Variants in CADPS observed in about 807,000 individuals in gnomAD.
CADPS encodes the protein calcium-dependent secretion activator 1.
CADPS carries 57 observed loss-of-function variants against 167.3 expected under a neutral mutation model. The observed-to-expected ratio is 0.34, with a 90% confidence interval of 0.28 to 0.42. The LOEUF is 0.42. CADPS is among the 20% of genes least tolerant of loss of function. The pLI, the probability that CADPS is intolerant of heterozygous loss-of-function variation, is 1.00. For missense variants in CADPS, 1,414 were observed against 1,738.1 expected, an observed-to-expected ratio of 0.81 and a Z score of 3.32; for synonymous variants, 676 against 635.3, an observed-to-expected ratio of 1.06 and a Z score of -0.96.
At position 62,740,398 on chromosome 3, in the gene CADPS, T is replaced by A. The variant is rs574003972; in HGVS notation, c.888+13043A>T. Among the ~76,000 whole-genome samples the A allele has an allele frequency of 1.6e-4, 25 of 152,312 alleles. No individual in the cohort carries two copies. The South Asian group carries it at 2.5e-3, about 15-fold the overall frequency. On this transcript the variant is annotated intron_variant, in intron 3 of 29. Coordinates refer to ENST00000383710, the MANE Select transcript of CADPS (RefSeq NM_003716.4). ...GTTGAGAAGCTCACTTAATGCCCCATGAGCCATGGTAGGGTGTTTAATTTT... is the reference window on the plus strand; with the variant it reads ...GTTGAGAAGCTCACTTAATGCCCCAAGAGCCATGGTAGGGTGTTTAATTTT...
At chr3:62,560,027 G>A (rs1338115458) in intron 9 of CADPS, among the ~76,000 whole-genome samples, 5 of 147,026 alleles carry the variant, frequency 3.4e-5, no homozygotes, top group Non-Finnish European at 7.4e-5. Context: ...TTGGAGAGCT[G>A]TATGCTGATG....
At position 62,514,179 on chromosome 3, in the gene CADPS, C is replaced by A. The variant is rs1386842451; in HGVS notation, c.2582-1411G>T. Among the ~76,000 whole-genome samples, 1 of 152,054 alleles carries A rather than the reference C, an allele frequency of 6.6e-6. No individual in the cohort carries two copies. Among genetic ancestry groups the A allele is most frequent in the Admixed American group, 6.6e-5 (1 of 15,260 alleles). On this transcript the variant is annotated intron_variant, in intron 16 of 29. Coordinates refer to ENST00000383710, the MANE Select transcript of CADPS (RefSeq NM_003716.4). The surrounding 1 kb of genome is among the most constrained non-coding windows in gnomAD (Gnocchi z 4.2). Reference sequence around the variant, plus strand: ...ATGTAAAAAATGAAAGATTTCTTCTCTGAGGGTAGGATCAGAGCCTTGTAA... The same window carrying A: ...ATGTAAAAAATGAAAGATTTCTTCTATGAGGGTAGGATCAGAGCCTTGTAA...
rs549973399 is a variant in CADPS at position 62,410,827 on chromosome 3, C to A, written c.3778-7642G>T. On this transcript the variant is annotated intron_variant, in intron 28 of 29. Coordinates refer to ENST00000383710, the MANE Select transcript of CADPS (RefSeq NM_003716.4). ...AAAACTTTCTGAGCAGCAGGCCAAG[C>A]ACAGTGGCTCACAGTGCCTGTAATC... Among the ~76,000 whole-genome samples, 34 of 152,254 alleles carry A rather than the reference C, an allele frequency of 2.2e-4. No homozygotes were observed. In the South Asian group the frequency reaches 7.0e-3, roughly 32 times the overall value.
At chr3:62,423,131 A>G (rs1219698876) in intron 28 of CADPS, among the ~76,000 whole-genome samples, 10 of 152,224 alleles carry the variant, frequency 6.6e-5, no homozygotes, top group Non-Finnish European at 1.2e-4. Flanking sequence ...ACTGCGCTGT[A>G]GTCTCTTTCA....
intron 6 of CADPS, among the ~76,000 whole-genome samples, chr3:62,643,192 T>G (rs1162544163): frequency 6.6e-6 from 1 of 152,196 alleles, no homozygotes; most frequent in Admixed American, 6.5e-5. Flanking sequence ...TTTGGGATAC[T>G]ATAGAAATGG....
chr3:62,499,351 G>T, intron 17 of CADPS, 83 bp from the exon 18 acceptor site: 1 of 818,488 alleles, frequency 1.2e-6, no homozygotes, highest in South Asian at 1.4e-5. Flanking sequence ...ATAAGAAATT[G>T]AGAATAGTTA....
intron 23 of CADPS, among the ~76,000 whole-genome samples, chr3:62,476,469 G>A (rs2061341920): frequency 6.6e-6 from 1 of 152,160 alleles, no homozygotes; most frequent in African/African-American, 2.4e-5. Flanking sequence ...GTGCAGTGGA[G>A]CAACTTCTGT....
At chr3:62,740,445 G>T (rs2079968804) in intron 3 of CADPS, among the ~76,000 whole-genome samples, 1 of 152,160 alleles carries the variant, frequency 6.6e-6, no homozygotes, top group African/African-American at 2.4e-5. Context: ...GCAAAGAATT[G>T]AGGCAATTAT....
intron 3 of CADPS, among the ~76,000 whole-genome samples, chr3:62,670,200 T>C (rs934410787): frequency 2.6e-5 from 4 of 151,996 alleles, no homozygotes; most frequent in Admixed American, 6.6e-5. Context: ...ACAGCAGGGG[T>C]TCAACACATT....
At chr3:62,467,887 C>A (rs2060129276) in intron 24 of CADPS, among the ~76,000 whole-genome samples, 1 of 152,128 alleles carries the variant, frequency 6.6e-6, no homozygotes, top group Non-Finnish European at 1.5e-5. Context: ...ATTTTGTCAA[C>A]TGTCATCGTG....
chr3:62,508,395 A>T (rs1427760047), intron 17 of CADPS, among the ~76,000 whole-genome samples: 2 of 152,176 alleles, frequency 1.3e-5, no homozygotes, highest in Admixed American at 1.3e-4. Flanking sequence ...CAAGCACTTT[A>T]TAGTGTAGAA....
intron 24 of CADPS, among the ~76,000 whole-genome samples, chr3:62,472,992 C>T (rs562760424): frequency 2.0e-4 from 31 of 152,284 alleles, no homozygotes; most frequent in South Asian, 1.7e-3. Context: ...TAGACCACAC[C>T]GCAGACCTAT....
chr3:62,437,118 A>C (rs1452950117), intron 28 of CADPS, among the ~76,000 whole-genome samples: 1 of 152,068 alleles, frequency 6.6e-6, no homozygotes, highest in Non-Finnish European at 1.5e-5. Flanking sequence ...CATTGGCACT[A>C]AAAATATGGA....
At chr3:62,783,190 T>A (rs1314345839) in intron 1 of CADPS, among the ~76,000 whole-genome samples, 1 of 152,204 alleles carries the variant, frequency 6.6e-6, no homozygotes, top group African/African-American at 2.4e-5. Context: ...GTCTGAGACC[T>A]GGGCAAGCAA....
intron 1 of CADPS, among the ~76,000 whole-genome samples, chr3:62,843,898 C>G (rs903510815): frequency 6.6e-6 from 1 of 151,972 alleles, no homozygotes; most frequent in Admixed American, 6.6e-5. Context: ...AATTAAAAGA[C>G]TACCAGGGCT....
At position 62,874,491 on chromosome 3, in the gene CADPS, T is replaced by A. The variant is rs927838258; in HGVS notation, c.441+98A>T. The stretch of plus-strand genomic sequence containing the variant: ...CCCAGGGCGCGGTCTCCACCTCTCC[T>A]GCTCCTCCTCGCCAGCTGCGCCGCC... On this transcript the variant is annotated intron_variant, in intron 1 of 29. Coordinates refer to ENST00000383710, the MANE Select transcript of CADPS (RefSeq NM_003716.4). This position sits in a 1 kb window ranked among gnomAD's most constrained non-coding sequence, Gnocchi z 7.1. 2.1e-6 allele frequency: 2 copies of A among 951,634 alleles called. No individual in the cohort carries two copies. Among genetic ancestry groups the A allele is most frequent in the Non-Finnish European group, 3.2e-6 (2 of 628,312 alleles). 58.9% of individuals were successfully genotyped at this position (951,634 alleles called of 1,614,324 possible).
intron 27 of CADPS, chr3:62,439,330 T>C (rs753668976): frequency 3.9e-4 from 59 of 152,126 alleles, no homozygotes; most frequent in Non-Finnish European, 6.5e-4. Flanking sequence ...TTTTTCCTGA[T>C]ACAAAGCAAA....
At chr3:62,431,396 C>A (rs76162235) in intron 28 of CADPS, among the ~76,000 whole-genome samples, 2,993 of 152,124 alleles carry the variant, frequency 0.02, 42 homozygotes, top group East Asian at 0.063. Flanking sequence ...GTTTAGCCCC[C>A]CCTCAATCTT....
chr3:62,752,673 G>A (rs2082954572), intron 3 of CADPS, among the ~76,000 whole-genome samples: 1 of 152,188 alleles, frequency 6.6e-6, no homozygotes, highest in Non-Finnish European at 1.5e-5. Flanking sequence ...TGTTTAAAAT[G>A]CAGATTCCTG....
Sources: gnomAD v4.1 joint callset for allele counts (sites outside exome capture counted in the v4.1 genomes callset) on GRCh38, gnomAD v4.1.1 for gene constraint, Gnocchi (gnomAD v3.1) non-coding constraint, MANE v1.5 for transcripts, NCBI Gene and HGNC (gene_info 2026-07-23, HGNC 2026-07-21) for gene names.